The following SLC6A2 variants were observed in gnomAD, a reference collection of about 807,000 sequenced individuals.
SLC6A2 encodes sodium-dependent noradrenaline transporter.
SLC6A2 carries 26 observed loss-of-function variants against 71.7 expected under a neutral mutation model. That is an observed-to-expected ratio of 0.36 (90% CI 0.27 to 0.50). SLC6A2 has a LOEUF of 0.50. Ranked by LOEUF, SLC6A2 falls within the 20% of genes least tolerant of loss-of-function variation. The pLI is 0.96. For synonymous variants in SLC6A2, 363 were observed against 337.9 expected (o/e 1.07, Z -0.82); for missense variants, 581 against 803.9 (o/e 0.72, Z 3.35).
rs377172619 is a variant in SLC6A2, at chr16:55,664,896, G to A, written c.275-4669G>A. Among the ~76,000 whole-genome samples, 62 of 152,196 alleles carry A rather than the reference G, an allele frequency of 4.1e-4. No homozygotes were observed. In the East Asian group the frequency reaches 6.2e-3, roughly 15 times the overall value. ...TGCCCACCCAGCACACTCCCCATAC[G>A]AATACCCCACCACCCTCCAATACCC... is the stretch of plus-strand genomic sequence containing the variant. On this transcript the variant is annotated intron_variant, in intron 2 of 14. Transcript: ENST00000568943.
At chr16:55,698,113 C>A in intron 10 of SLC6A2, 88 bp downstream of exon 10, 1 of 1,437,936 alleles carries the variant, frequency 7.0e-7, no homozygotes, top group Non-Finnish European at 9.8e-7. Flanking sequence ...AGAACTGGGG[C>A]TGAGCTCAGG....
chr16:55,673,526 T>G (rs1297936178), intron 4 of SLC6A2, among the ~76,000 whole-genome samples: 9 of 152,218 alleles, frequency 5.9e-5, no homozygotes, highest in African/African-American at 1.7e-4. Context: ...TTTATCTAGT[T>G]ATAATTTCCT....
At position 55,695,333 on chromosome 16, in the gene SLC6A2, G is replaced by T; in HGVS notation, c.1078G>T (p.Ala360Ser). The change falls in exon 8 of 15, where the codon GCC becomes TCC. Residue 360 changes from alanine (A) to serine (S), a missense_variant. Physicochemically the swap from Ala to Ser is moderately conservative, Grantham distance 99. Coordinates refer to ENST00000568943, the MANE Select transcript of SLC6A2 (RefSeq NM_001172501.3). ...TATCACCAGCTTCGTCTCTGGGTTC[G>T]CCATCTTCTCCATCCTTGGTTACAT... is the stretch of plus-strand genomic sequence containing the variant. ...NCITSFVSGFAIFSILGYMAH... is the reference protein window; with the variant it reads ...NCITSFVSGFSIFSILGYMAH... 6.2e-7 allele frequency: 1 copy of T among 1,614,150 alleles called. No homozygotes were observed. Among genetic ancestry groups the T allele is most frequent in the Non-Finnish European group, 8.5e-7 (1 of 1,179,984 alleles).
intron 13 of SLC6A2, among the ~76,000 whole-genome samples, chr16:55,700,851 G>GTA (rs1303367504): frequency 3.3e-5 from 5 of 151,818 alleles, no homozygotes; most frequent in Non-Finnish European, 7.4e-5. Flanking sequence ...ACATGTGTGT[G>GTA]TATATACATA....
At chr16:55,685,399 C>A in intron 5 of SLC6A2, 118 bp downstream of exon 5, 1 of 1,115,972 alleles carries the variant, frequency 9.0e-7, no homozygotes. Flanking sequence ...AAGTGCAAGG[C>A]CTGGGTTCAA....
At chr16:55,701,375 G>C (rs1259101410) in intron 13 of SLC6A2, among the ~76,000 whole-genome samples, 1 of 152,198 alleles carries the variant, frequency 6.6e-6, no homozygotes, top group East Asian at 1.9e-4. Flanking sequence ...TGGGAGTGGA[G>C]AGGCTTCCTG....
chr16:55,702,025 C>A, intron 14 of SLC6A2, 91 bp downstream of exon 14: 1 of 1,000,388 alleles, frequency 1.0e-6, no homozygotes, highest in Non-Finnish European at 1.6e-6. Context: ...GACATCACAT[C>A]CAGAAAACCC....
In SLC6A2 at chr16:55,684,040, A is replaced by G. The variant is rs185471816; in HGVS notation, c.645-1103A>G. Among the ~76,000 whole-genome samples the G allele has an allele frequency of 1.4e-4, 22 of 152,274 alleles. 1 individual carries two copies. In the East Asian group the frequency reaches 3.9e-3, roughly 27 times the overall value. On this transcript the variant is annotated intron_variant, in intron 4 of 14. Coordinates refer to ENST00000568943, the MANE Select transcript of SLC6A2 (RefSeq NM_001172501.3). ...AGGCCAGGTGTGGTGGCTCACACCTATAATCTCAGCACTTTGAGAGGCTGG... is the reference window on the plus strand; with the variant it reads ...AGGCCAGGTGTGGTGGCTCACACCTGTAATCTCAGCACTTTGAGAGGCTGG...
At chr16:55,680,341 T>C (rs1965230192) in intron 4 of SLC6A2, among the ~76,000 whole-genome samples, 1 of 151,804 alleles carries the variant, frequency 6.6e-6, no homozygotes, top group Non-Finnish European at 1.5e-5. Context: ...CTCATATGAG[T>C]TTATTAAGGA....
intron 3 of SLC6A2, 144 bp downstream of exon 3, chr16:55,669,840 A>G (rs766156604): frequency 7.7e-5 from 68 of 882,608 alleles, no homozygotes; most frequent in Non-Finnish European, 1.2e-4. Context: ...AGTGTCCCCC[A>G]TTCCAAGTTA....
At position 55,656,838 on chromosome 16, in the gene SLC6A2, C is replaced by G; in HGVS notation, c.144C>G (p.Pro48=). The change falls in exon 2 of 15, where the codon CCC becomes CCG. Residue 48 remains proline (P), a synonymous_variant. Transcript: ENST00000568943. The surrounding 1 kb of genome is among the most constrained non-coding windows in gnomAD (Gnocchi z 4.5). ...ERNGVQCLLA[P]RDGDAQPRET... ...ACGGCGTCCAGTGCCTGCTGGCGCC[C>G]CGCGACGGCGACGCGCAGCCCCGGG... 3 of 1,613,606 alleles carry G rather than the reference C, an allele frequency of 1.9e-6. No individual in the cohort carries two copies. The highest frequency in any genetic ancestry group is 1.1e-5 in the South Asian group (1 of 91,060).
At chr16:55,684,752 G>A (rs764974482) in intron 4 of SLC6A2, among the ~76,000 whole-genome samples, 1 of 152,202 alleles carries the variant, frequency 6.6e-6, no homozygotes, top group Admixed American at 6.5e-5. Flanking sequence ...CCTCCGGGGT[G>A]GGGGTCAGGG....
chr16:55,705,023 G>T lies in SLC6A2; in HGVS notation c.*2677G>T. On this transcript the variant is annotated 3_prime_UTR_variant, in exon 15 of 15. Coordinates refer to ENST00000568943, the MANE Select transcript of SLC6A2 (RefSeq NM_001172501.3). ...ATCTTTGACTTCCTTTTTGTAGCTT[G>T]TTTTTAATAGCAGAGGTCACCCGGG... 1 of 496,882 alleles carries T rather than the reference G, an allele frequency of 2.0e-6. No individual in the cohort carries two copies. 30.8% of individuals were successfully genotyped at this position (496,882 alleles called of 1,614,324 possible). A position where few individuals can be genotyped will look rare whatever the true frequency, so the allele number is the denominator to read the frequency against.
chr16:55,676,307 G>A (rs1452339504), intron 4 of SLC6A2, among the ~76,000 whole-genome samples: 1 of 152,168 alleles, frequency 6.6e-6, no homozygotes, highest in Non-Finnish European at 1.5e-5. Context: ...CCATGTGTAT[G>A]AGGTTTTCTG....
intron 5 of SLC6A2, among the ~76,000 whole-genome samples, chr16:55,690,603 T>C (rs1440737581): frequency 1.3e-5 from 2 of 152,180 alleles, no homozygotes; most frequent in Non-Finnish European, 2.9e-5. Flanking sequence ...GACCTTAGCC[T>C]GATTTTTCAC....
intron 4 of SLC6A2, among the ~76,000 whole-genome samples, chr16:55,673,368 TAG>T (rs1288870463): frequency 1.3e-5 from 2 of 152,190 alleles, no homozygotes; most frequent in East Asian, 3.9e-4. Context: ...TCCTCCTGTG[TAG>T]AGAGAGTTAT....
At chr16:55,690,590 C>A (rs762967768) in intron 5 of SLC6A2, among the ~76,000 whole-genome samples, 2 of 152,106 alleles carry the variant, frequency 1.3e-5, no homozygotes, top group Non-Finnish European at 2.9e-5. Flanking sequence ...GTCTGACTAC[C>A]TTGACCTTAG....
At position 55,705,134 on chromosome 16, in the gene SLC6A2, T is replaced by C. The variant is rs1966075146; in HGVS notation, c.*2788T>C. ...AAGAATTATTATTTTTCATGAAATG[T>C]AAAATATCAGTTTGAGAACATCACA... On this transcript the variant is annotated 3_prime_UTR_variant, in exon 15 of 15. Transcript: ENST00000568943. The C allele has an allele frequency of 9.7e-7, 1 of 1,031,538 alleles. No homozygotes were observed. Among genetic ancestry groups the C allele is most frequent in the Non-Finnish European group, 1.4e-6 (1 of 698,882 alleles). The allele number at this position is 1,031,538 out of a possible 1,614,324, so 63.9% of individuals were successfully genotyped here.
At chr16:55,671,736 T>C in intron 3 of SLC6A2, 5 of 1,163,998 alleles carry the variant, frequency 4.3e-6, no homozygotes, top group East Asian at 2.6e-5. Context: ...GGTTTCATCT[T>C]GAAACTACCC....
Sources: allele counts gnomAD v4.1 joint callset (sites outside exome capture counted in the v4.1 genomes callset), GRCh38; gene constraint gnomAD v4.1.1; non-coding constraint Gnocchi (gnomAD v3.1); transcripts MANE v1.5; gene names NCBI Gene and HGNC (gene_info 2026-07-23, HGNC 2026-07-21).